The following MTHFD1L variants were observed in gnomAD, a reference collection of about 807,000 sequenced individuals.
MTHFD1L encodes methylenetetrahydrofolate dehydrogenase (NADP+ dependent) 1 like, also known as monofunctional C1-tetrahydrofolate synthase, mitochondrial.
A neutral mutation model predicts 119.5 loss-of-function variants in MTHFD1L; 81 were observed. That is an observed-to-expected ratio of 0.68 (90% CI 0.57 to 0.82). MTHFD1L has a LOEUF of 0.82. Ranked by LOEUF, MTHFD1L falls within the 40% of genes least tolerant of loss-of-function variation. The pLI, the probability that MTHFD1L is intolerant of heterozygous loss-of-function variation, is 0.00. For missense variants in MTHFD1L, 1,125 were observed against 1,253.4 expected (o/e 0.90, Z 1.55); for synonymous variants, 430 against 475.2 (o/e 0.90, Z 1.24).
chr6:150,938,896 C>G (rs1289373080), intron 13 of MTHFD1L, 151 bp downstream of exon 13: 10 of 797,584 alleles, frequency 1.3e-5, no homozygotes, highest in Admixed American at 2.2e-5. Flanking sequence ...ATAACTCATG[C>G]AGTGACAAAC....
At chr6:150,942,998 A>T (rs1361741195) in intron 13 of MTHFD1L, among the ~76,000 whole-genome samples, 2 of 152,124 alleles carry the variant, frequency 1.3e-5, no homozygotes, top group Non-Finnish European at 2.9e-5. Context: ...TCAAGATCTC[A>T]AAGGCCGGAT....
chr6:150,992,275 G>T (rs1255093882), intron 20 of MTHFD1L, among the ~76,000 whole-genome samples: 1 of 152,142 alleles, frequency 6.6e-6, no homozygotes, highest in African/African-American at 2.4e-5. Context: ...AATGCACAAT[G>T]AAAAAACAAA....
intron 20 of MTHFD1L, among the ~76,000 whole-genome samples, chr6:150,994,049 A>G (rs1779394287): frequency 7.9e-6 from 1 of 125,826 alleles, no homozygotes; most frequent in South Asian, 2.6e-4. Context: ...TTTTACCCAC[A>G]AATAACAACA....
At chr6:150,994,081 G>GAAAA (rs60268628) in intron 20 of MTHFD1L, among the ~76,000 whole-genome samples, 3 of 106,262 alleles carry the variant, frequency 2.8e-5, no homozygotes, top group African/African-American at 1.3e-4. Context: ...AAAAAAAAAA[G>GAAAA]AAAGAAAGAA....
Position 151,009,823 on chromosome 6 carries a change from C to CG in MTHFD1L, c.2131dup (p.Glu711GlyfsTer7). 5 of 1,613,414 alleles carry CG rather than the reference C, an allele frequency of 3.1e-6. No individual in the cohort carries two copies. The highest frequency in any genetic ancestry group is 1.3e-5 in the African/African-American group (1 of 75,006). On this transcript the variant is annotated frameshift_variant, in exon 21 of 28. Transcript: ENST00000367321. LOFTEE classifies it high-confidence loss of function. ...ATTCCACTTGCTTCCCCACAGTGAC[C>CG]GAAGCTGGCTTTGGTGCTGACATCG... is the stretch of plus-strand genomic sequence containing the variant.
intron 4 of MTHFD1L, 85 bp downstream of exon 4, chr6:150,877,911 G>T: frequency 6.7e-7 from 1 of 1,503,494 alleles, no homozygotes. Context: ...GTGGTGGCTG[G>T]GACAGATCTA....
At chr6:150,970,471 C>G (rs562127211) in intron 19 of MTHFD1L, among the ~76,000 whole-genome samples, 5 of 152,172 alleles carry the variant, frequency 3.3e-5, no homozygotes, top group Non-Finnish European at 5.9e-5. Flanking sequence ...GAATTCAGTT[C>G]TTCAGTCATT....
At chr6:151,025,870 C>T (rs1229069469) in intron 24 of MTHFD1L, among the ~76,000 whole-genome samples, 2 of 152,154 alleles carry the variant, frequency 1.3e-5, no homozygotes, top group Non-Finnish European at 2.9e-5. Context: ...TAGTGTTTTT[C>T]ATAGGTCTTC....
intron 26 of MTHFD1L, among the ~76,000 whole-genome samples, chr6:151,072,933 A>G (rs1792094064): frequency 6.6e-6 from 1 of 152,236 alleles, no homozygotes. Context: ...TGAAACAAGT[A>G]AAAAACTGGA....
intron 15 of MTHFD1L, among the ~76,000 whole-genome samples, chr6:150,946,482 A>G (rs1327954997): frequency 6.6e-6 from 1 of 152,184 alleles, no homozygotes; most frequent in East Asian, 1.9e-4. Context: ...AAACACTACA[A>G]TTATACTTGC....
At chr6:150,904,508 A>G (rs1175458725) in intron 7 of MTHFD1L, among the ~76,000 whole-genome samples, 1 of 152,172 alleles carries the variant, frequency 6.6e-6, no homozygotes, top group African/African-American at 2.4e-5. Flanking sequence ...AGTAACACCA[A>G]TCTCACTCCT....
chr6:150,908,432 T>G (rs1786301087), intron 8 of MTHFD1L, among the ~76,000 whole-genome samples: 1 of 151,484 alleles, frequency 6.6e-6, no homozygotes, highest in Admixed American at 6.6e-5. Flanking sequence ...AGACCTAGCC[T>G]GGCCAACATG....
chr6:151,071,580 C>T (rs905484437), intron 26 of MTHFD1L, among the ~76,000 whole-genome samples: 2 of 151,432 alleles, frequency 1.3e-5, no homozygotes, highest in South Asian at 2.1e-4. Flanking sequence ...TGGTTCTGGC[C>T]ACTCGTGTCA....
rs536141474 is a variant in MTHFD1L, at chr6:150,965,487, C to T, written c.2013+450C>T. ...CGGCCTGACCAATATGGTGAAACCCCATCTCTACTAAAAATACAAAAAAAT... is the reference window on the plus strand; with the variant it reads ...CGGCCTGACCAATATGGTGAAACCCTATCTCTACTAAAAATACAAAAAAAT... On this transcript the variant is annotated intron_variant, in intron 19 of 27. Transcript: ENST00000367321. Among the ~76,000 whole-genome samples, 6 of 152,026 alleles carry T rather than the reference C, an allele frequency of 3.9e-5. 1 individual carries two copies. The South Asian group carries it at 1.0e-3, about 26-fold the overall frequency.
intron 7 of MTHFD1L, among the ~76,000 whole-genome samples, chr6:150,892,767 G>A (rs1053408720): frequency 9.2e-5 from 14 of 152,122 alleles, no homozygotes; most frequent in Admixed American, 8.5e-4. Flanking sequence ...TCTGCCTGAC[G>A]TTTGAATTGT....
chr6:151,039,325 G>A lies in MTHFD1L; in HGVS notation c.2847+2208G>A, dbSNP rs1190816930. ...AGATCAGTGGTTGCCAGGAGTTGGG[G>A]GAGGGGAAGCGTTTGACTGCAGAGG... On this transcript the variant is annotated intron_variant, in intron 26 of 27. Coordinates refer to ENST00000367321, the MANE Select transcript of MTHFD1L (RefSeq NM_015440.5). This position sits in a 1 kb window ranked among gnomAD's most constrained non-coding sequence, Gnocchi z 4.4. Among the ~76,000 whole-genome samples, 1 of 152,180 alleles carries A rather than the reference G, an allele frequency of 6.6e-6. No individual in the cohort carries two copies. Among genetic ancestry groups the A allele is most frequent in the African/African-American group, 2.4e-5 (1 of 41,440 alleles).
At chr6:150,951,450 G>GT (rs1384644585) in intron 16 of MTHFD1L, among the ~76,000 whole-genome samples, 4 of 152,154 alleles carry the variant, frequency 2.6e-5, no homozygotes, top group Admixed American at 6.5e-5. Context: ...ACTATTCATA[G>GT]TTTTTTGTGT....
intron 27 of MTHFD1L, chr6:151,100,024 T>A: frequency 1.5e-6 from 1 of 674,748 alleles, no homozygotes; most frequent in Non-Finnish European, 2.5e-6. Context: ...AGAAATATTT[T>A]CTTTCTTTTC....
At chr6:150,994,094 A>AAAGAAGAAAGAAAGAAAGAAAGT (rs1482239065) in intron 20 of MTHFD1L, among the ~76,000 whole-genome samples, 1 of 119,536 alleles carries the variant, frequency 8.4e-6, no homozygotes, top group Non-Finnish European at 1.9e-5. Context: ...AGAAAGAAAG[A>AAAGAAGAAAGAAAGAAAGAAAGT]AAGTGACCCA....
Sources: gnomAD v4.1 joint callset for allele counts (sites outside exome capture counted in the v4.1 genomes callset) on GRCh38, gnomAD v4.1.1 for gene constraint, Gnocchi (gnomAD v3.1) non-coding constraint, MANE v1.5 for transcripts, NCBI Gene and HGNC (gene_info 2026-07-23, HGNC 2026-07-21) for gene names.